Variants in PTPRJ observed in about 807,000 individuals in gnomAD.
PTPRJ encodes receptor-type tyrosine-protein phosphatase eta.
In PTPRJ, 129 loss-of-function variants were observed where a neutral mutation model predicts 141.3. That is an observed-to-expected ratio of 0.91 (90% CI 0.79 to 1.06). The LOEUF is 1.06. Among genes scored for constraint, PTPRJ ranks in the 50% least tolerant of loss-of-function variants. The pLI is 0.00. For missense variants in PTPRJ, 1,601 were observed against 1,679.7 expected (o/e 0.95, Z 0.82); for synonymous variants, 610 against 640.5 (o/e 0.95, Z 0.72).
At chr11:47,987,954 T>C (rs1262838059) in intron 1 of PTPRJ, among the ~76,000 whole-genome samples, 1 of 152,236 alleles carries the variant, frequency 6.6e-6, no homozygotes, top group African/African-American at 2.4e-5. Flanking sequence ...AATTTTCAGT[T>C]CCACTTTTCC....
intron 1 of PTPRJ, among the ~76,000 whole-genome samples, chr11:48,084,419 A>G (rs1415363043): frequency 2.0e-5 from 3 of 152,116 alleles, no homozygotes; most frequent in Non-Finnish European, 2.9e-5. Context: ...CCTGACCTCA[A>G]GTGATCTACC....
At chr11:47,998,593 G>A (rs1854405562) in intron 1 of PTPRJ, among the ~76,000 whole-genome samples, 1 of 152,150 alleles carries the variant, frequency 6.6e-6, no homozygotes, top group South Asian at 2.1e-4. Flanking sequence ...ATTTTCTTGT[G>A]TGCCAAATGG....
chr11:48,073,606 A>C (rs1421639534), intron 1 of PTPRJ, among the ~76,000 whole-genome samples: 6 of 152,046 alleles, frequency 3.9e-5, no homozygotes, highest in Non-Finnish European at 7.4e-5. Context: ...GAAAATTTCC[A>C]GACTTAGGAC....
chr11:48,000,897 A>G (rs569018915), intron 1 of PTPRJ, among the ~76,000 whole-genome samples: 1 of 152,048 alleles, frequency 6.6e-6, no homozygotes, highest in African/African-American at 2.4e-5. Context: ...TTGCTTGGTG[A>G]ATGAATTGAA....
rs186230427 is a variant in PTPRJ at position 48,062,456 on chromosome 11, T to G, written c.97-47602T>G. Among the ~76,000 whole-genome samples, 13 of 151,674 alleles carry G rather than the reference T, an allele frequency of 8.6e-5. 1 individual carries two copies. The highest frequency in any genetic ancestry group is 3.1e-4 in the African/African-American group (13 of 41,374). On this transcript the variant is annotated intron_variant, in intron 1 of 24. Coordinates refer to ENST00000418331, the MANE Select transcript of PTPRJ (RefSeq NM_002843.4). ...TGAACCCAGGAGGCGGAGCTTGCAGTGAGCTGAGATCATGCCACTGCACTC... is the reference window on the plus strand; with the variant it reads ...TGAACCCAGGAGGCGGAGCTTGCAGGGAGCTGAGATCATGCCACTGCACTC...
In PTPRJ at chr11:48,033,973, T is replaced by C. The variant is rs117942291; in HGVS notation, c.96+52965T>C. Among the ~76,000 whole-genome samples, 955 of 152,364 alleles carry C rather than the reference T, an allele frequency of 6.3e-3. 9 individuals carry two copies. The highest frequency in any genetic ancestry group is 0.012 in the Non-Finnish European group (787 of 68,032). ...AAGGCTTCTTCTTTCCAAGGCAAACTGGGGCATGTGAGGAACAGGAACTTA... is the reference window on the plus strand; with the variant it reads ...AAGGCTTCTTCTTTCCAAGGCAAACCGGGGCATGTGAGGAACAGGAACTTA... On this transcript the variant is annotated intron_variant, in intron 1 of 24. Transcript: ENST00000418331.
rs778898203 is a variant in PTPRJ, at chr11:48,121,013, T to C, written c.363T>C (p.Pro121=). 321 of 1,597,032 alleles carry C rather than the reference T, an allele frequency of 2.0e-4. No homozygotes were observed. The highest frequency in any genetic ancestry group is 2.6e-4 in the Non-Finnish European group (308 of 1,171,236). Reference sequence around the variant, plus strand: ...TTTTTAACAATATAGGGCCCAGTCCTGTGTTTGACATTAAAGCTGTTTCCA... The same window carrying C: ...TTTTTAACAATATAGGGCCCAGTCCCGTGTTTGACATTAAAGCTGTTTCCA... ...QKTPSSTGPS[P]VFDIKAVSIS... Residue 121 remains proline, a synonymous_variant, in exon 4 of 25, where the codon CCT becomes CCC. Transcript: ENST00000418331.
At chr11:48,122,463 G>C (rs1402334517) in intron 4 of PTPRJ, among the ~76,000 whole-genome samples, 1 of 152,184 alleles carries the variant, frequency 6.6e-6, no homozygotes, top group Non-Finnish European at 1.5e-5. Flanking sequence ...TATTGAGCAC[G>C]GCACATGTGC....
At position 48,070,763 on chromosome 11, in the gene PTPRJ, A is replaced by G. The variant is rs988480077; in HGVS notation, c.97-39295A>G. On this transcript the variant is annotated intron_variant, in intron 1 of 24. Coordinates refer to ENST00000418331, the MANE Select transcript of PTPRJ (RefSeq NM_002843.4). ...ATCTGATTTTAAATGTGAACGTGCC[A>G]TTGCTAAGAGTTTTTGTTCTATGTA... 4.6e-5 allele frequency among the ~76,000 whole-genome samples: 7 copies of G among 152,306 alleles called. No homozygotes were observed. In the South Asian group the frequency reaches 1.2e-3, roughly 27 times the overall value.
In PTPRJ at chr11:48,145,057, T is replaced by G. The variant is rs550168870; in HGVS notation, c.2844T>G (p.Ile948Met). 6.2e-7 allele frequency: 1 copy of G among 1,614,162 alleles called. No homozygotes were observed. The highest frequency in any genetic ancestry group is 1.1e-5 in the South Asian group (1 of 91,072). Residue 948 changes from isoleucine (I) to methionine (M), a missense_variant, in exon 14 of 25, where the codon ATT becomes ATG. Ile to Met is a conservative substitution (Grantham distance 10). Transcript: ENST00000418331. ...TCCACCCTCAAAACAAGGGGCTCAT[T>G]GATGGGGCTGAGAGCTATGTGTCCT... ...ITFHPQNKGL[I>M]DGAESYVSFS...
At chr11:48,156,817 C>T (rs375696940) in intron 21 of PTPRJ, among the ~76,000 whole-genome samples, 35 of 152,098 alleles carry the variant, frequency 2.3e-4, no homozygotes, top group African/African-American at 8.4e-4. Flanking sequence ...AAACTCCTGA[C>T]CTCAAGTGAT....
chr11:48,086,403 C>T (rs571960630), intron 1 of PTPRJ, among the ~76,000 whole-genome samples: 1 of 152,326 alleles, frequency 6.6e-6, no homozygotes, highest in African/African-American at 2.4e-5. Flanking sequence ...AACTCCTGGC[C>T]TCAGGTGATC....
At position 48,083,932 on chromosome 11, in the gene PTPRJ, C is replaced by G. The variant is rs571580362; in HGVS notation, c.97-26126C>G. Among the ~76,000 whole-genome samples the G allele has an allele frequency of 5.1e-4, 78 of 152,304 alleles. 1 individual carries two copies. The South Asian group carries it at 0.016, about 32-fold the overall frequency. The stretch of plus-strand genomic sequence containing the variant: ...ATAGTAAACTATTTGTCCTTTCACT[C>G]TCATTCCCTCATGTATGCAAATCTC... On this transcript the variant is annotated intron_variant, in intron 1 of 24. Transcript: ENST00000418331.
At chr11:48,028,326 A>T (rs1234190998) in intron 1 of PTPRJ, among the ~76,000 whole-genome samples, 1 of 152,224 alleles carries the variant, frequency 6.6e-6, no homozygotes, top group Non-Finnish European at 1.5e-5. Flanking sequence ...AAGGTAGCCC[A>T]TCATGCAGTT....
At chr11:48,097,834 G>A (rs1249525902) in intron 1 of PTPRJ, among the ~76,000 whole-genome samples, 1 of 152,032 alleles carries the variant, frequency 6.6e-6, no homozygotes, top group Non-Finnish European at 1.5e-5. Flanking sequence ...CACCGCACCC[G>A]GCCTGAATTT....
At chr11:48,126,361 CATT>C (rs1465490224) in intron 6 of PTPRJ, among the ~76,000 whole-genome samples, 2 of 152,076 alleles carry the variant, frequency 1.3e-5, no homozygotes, top group African/African-American at 4.8e-5. Flanking sequence ...GGTAAATAAT[CATT>C]ATAGTAGCCT....
At chr11:48,165,147 A>T (rs1857888522) in intron 24 of PTPRJ, among the ~76,000 whole-genome samples, 1 of 152,232 alleles carries the variant, frequency 6.6e-6, no homozygotes, top group Admixed American at 6.5e-5. Flanking sequence ...TTTTAAACTC[A>T]TAAAACTGGT....
chr11:48,011,163 A>G (rs906784758), intron 1 of PTPRJ, among the ~76,000 whole-genome samples: 1 of 152,220 alleles, frequency 6.6e-6, no homozygotes, highest in Non-Finnish European at 1.5e-5. Flanking sequence ...GGGAGTCACC[A>G]TGCTTTGTAA....
At chr11:48,015,199 C>T (rs539030132) in intron 1 of PTPRJ, among the ~76,000 whole-genome samples, 4 of 152,018 alleles carry the variant, frequency 2.6e-5, no homozygotes, top group South Asian at 2.1e-4. Flanking sequence ...TCACTGTGTC[C>T]GTTTATGAAG....
Sources: allele counts gnomAD v4.1 joint callset (sites outside exome capture counted in the v4.1 genomes callset), GRCh38; gene constraint gnomAD v4.1.1; transcripts MANE v1.5; gene names NCBI Gene and HGNC (gene_info 2026-07-23, HGNC 2026-07-21).